TMEM200C: variants seen among roughly 807,000 people sequenced by gnomAD.
TMEM200C encodes transmembrane protein 200C.
For synonymous variants in TMEM200C, 462 were observed against 324.7 expected (o/e 1.42, Z -4.55); for missense variants, 966 against 699.9 (o/e 1.38, Z -4.29).
chr18:5,892,838 T>G (rs544947409), intron 2 of TMEM200C, among the ~76,000 whole-genome samples: 1 of 152,318 alleles, frequency 6.6e-6, no homozygotes, highest in South Asian at 2.1e-4. Context: ...AATAAATCCC[T>G]TCACAAAGTT....
exon 3 of TMEM200C, chr18:5,885,947 G>A (rs774269748): frequency 5.9e-5 from 9 of 151,962 alleles, no homozygotes; most frequent in East Asian, 1.9e-4. Context: ...AACAAACTCC[G>A]TAAACATCAA....
At chr18:5,887,386 C>G (rs893257980) in exon 3 of TMEM200C, 3 of 152,190 alleles carry the variant, frequency 2.0e-5, no homozygotes, top group Admixed American at 6.5e-5. Context: ...AGCTTTTTAT[C>G]TGACTGTGCA....
exon 3 of TMEM200C, chr18:5,884,264 A>G (rs977042158): frequency 1.3e-5 from 2 of 152,108 alleles, no homozygotes; most frequent in Non-Finnish European, 2.9e-5. Context: ...TACCTTATGA[A>G]CATCTGGCTT....
At chr18:5,888,860 T>G (rs2095167407) in exon 3 of TMEM200C, 2 of 152,216 alleles carry the variant, frequency 1.3e-5, no homozygotes, top group African/African-American at 4.8e-5. Flanking sequence ...GACTCAGAGT[T>G]TGTGACTTGT....
upstream of TMEM200C, chr18:5,896,094 GT>G (rs1458611983): frequency 6.6e-6 from 1 of 152,238 alleles, no homozygotes; most frequent in Non-Finnish European, 1.5e-5. Flanking sequence ...ACAGTAAGTT[GT>G]CCCCCAGCGA....
chr18:5,891,322 TG>T lies in TMEM200C; in HGVS notation c.741del (p.Asn248ThrfsTer14). 1 of 1,400,780 alleles carries T rather than the reference TG, an allele frequency of 7.1e-7. No homozygotes were observed. Among genetic ancestry groups the T allele is most frequent in the Non-Finnish European group, 9.3e-7 (1 of 1,071,746 alleles). The allele number at this position is 1,400,780 out of a possible 1,614,324, so 86.8% of individuals were successfully genotyped here. ...GACTGCACGTAGCTGAGGAAGCCGT[TG>T]AGCGGTATGGCCCCGGGGGGCGCCG... On this transcript the variant is annotated frameshift_variant, in exon 3 of 3. Transcript: ENST00000581347. LOFTEE classifies it low-confidence loss of function (END_TRUNC). The surrounding 1 kb of genome is among the most constrained non-coding windows in gnomAD (Gnocchi z 4.7).
At chr18:5,888,820 G>C (rs2095167389) in exon 3 of TMEM200C, 1 of 152,080 alleles carries the variant, frequency 6.6e-6, no homozygotes, top group Non-Finnish European at 1.5e-5. Context: ...GATATGTCTG[G>C]TTCTCTTCAT....
At chr18:5,884,803 C>T (rs2095164177) in exon 3 of TMEM200C, 1 of 151,962 alleles carries the variant, frequency 6.6e-6, no homozygotes. Context: ...TTATATCAGT[C>T]ATTAATAACT....
Position 5,891,233 on chromosome 18 carries a change from C to A in TMEM200C, c.831G>T (p.Ala277=). The A allele has an allele frequency of 7.6e-7, 1 of 1,322,794 alleles. No homozygotes were observed. The highest frequency in any genetic ancestry group is 1.8e-5 in the South Asian group (1 of 56,746). The allele number at this position is 1,322,794 out of a possible 1,614,324, so 81.9% of individuals were successfully genotyped here. A position where few individuals can be genotyped will look rare whatever the true frequency, so the allele number is the denominator to read the frequency against. The change falls in exon 3 of 3, where the codon GCG becomes GCT. Residue 277 remains alanine, a synonymous_variant. Transcript: ENST00000581347. This position sits in a 1 kb window ranked among gnomAD's most constrained non-coding sequence, Gnocchi z 4.7. ...GAGGCCACGAGCCCTTGGCCAGCAT[C>A]GCCGCCGCTCCGAAGGCGTCCCCGG...
chr18:5,888,323 C>T (rs1318637850), exon 3 of TMEM200C: 2 of 152,162 alleles, frequency 1.3e-5, no homozygotes, highest in East Asian at 3.8e-4. Context: ...TAATCTACAG[C>T]CTTAAAGTGA....
chr18:5,894,521 C>A (rs546647113), intron 2 of TMEM200C, among the ~76,000 whole-genome samples: 2 of 152,266 alleles, frequency 1.3e-5, no homozygotes, highest in African/African-American at 4.8e-5. Flanking sequence ...CTGGTCTTAC[C>A]GTGGTTAAAG....
chr18:5,890,017 T>A (rs902099001), exon 3 of TMEM200C: 26 of 455,606 alleles, frequency 5.7e-5, no homozygotes, highest in African/African-American at 4.4e-4. Context: ...AAAAAAAAAA[T>A]CCTTGGAGTT....
In TMEM200C at chr18:5,891,386, C is replaced by CGCG; in HGVS notation, c.675_677dup (p.Ala230dup). On this transcript the variant is annotated inframe_insertion, in exon 3 of 3. Coordinates refer to ENST00000581347, the Ensembl canonical transcript of TMEM200C. This position sits in a 1 kb window ranked among gnomAD's most constrained non-coding sequence, Gnocchi z 4.7. ...ACGACGACGAAGAGGCGGCGGCGGCCGCGGCGGCGGCCGCGGCGGCCGCCA... is the reference window on the plus strand; with the variant it reads ...ACGACGACGAAGAGGCGGCGGCGGCCGCGGCGGCGGCGGCCGCGGCGGCCGCCA... 3.0e-6 allele frequency: 4 copies of CGCG among 1,323,456 alleles called. No homozygotes were observed. The highest frequency in any genetic ancestry group is 3.8e-6 in the Non-Finnish European group (4 of 1,041,624). The allele number at this position is 1,323,456 out of a possible 1,614,324, so 82.0% of individuals were successfully genotyped here.
exon 3 of TMEM200C, chr18:5,890,761 C>T: frequency 1.7e-6 from 1 of 604,732 alleles, no homozygotes; most frequent in Non-Finnish European, 3.0e-6. Flanking sequence ...TCCCGGCGCG[C>T]CCCGCGCATG....
At chr18:5,890,139 T>C (rs2095168517) in exon 3 of TMEM200C, 3 of 1,464,424 alleles carry the variant, frequency 2.0e-6, no homozygotes, top group Non-Finnish European at 1.8e-6. Flanking sequence ...GTTAATGCAC[T>C]GATTCAAGTG....
chr18:5,889,744 T>C (rs2095168145), exon 3 of TMEM200C: 2 of 152,444 alleles, frequency 1.3e-5, no homozygotes, highest in African/African-American at 4.8e-5. Flanking sequence ...CAAACTCTTC[T>C]ATGTTCCGCA....
exon 3 of TMEM200C, chr18:5,886,121 G>A (rs924235244): frequency 2.6e-5 from 4 of 151,664 alleles, no homozygotes. Flanking sequence ...GTGTCAGAGG[G>A]TTTTTCTTAA....
At chr18:5,884,883 A>G (rs1000074413) in exon 3 of TMEM200C, 3 of 152,158 alleles carry the variant, frequency 2.0e-5, no homozygotes, top group African/African-American at 4.8e-5. Flanking sequence ...CTTAAAATAA[A>G]TTGTTCATAA....
chr18:5,891,971 G>A lies in TMEM200C; in HGVS notation c.93C>T (p.Ala31=). Residue 31 remains alanine (A), a synonymous_variant, in exon 3 of 3, where the codon GCC becomes GCT. Coordinates refer to ENST00000581347, the Ensembl canonical transcript of TMEM200C. This position sits in a 1 kb window ranked among gnomAD's most constrained non-coding sequence, Gnocchi z 4.7. ...CCACGTCGTTCTTGCGCCTCTTCTT[G>A]GCTTTCCGCTTGCGCTTGGGTATCT... is the stretch of plus-strand genomic sequence containing the variant. 1.2e-6 allele frequency: 2 copies of A among 1,613,966 alleles called. No homozygotes were observed. Among genetic ancestry groups the A allele is most frequent in the Non-Finnish European group, 8.5e-7 (1 of 1,179,898 alleles).
Sources: allele counts gnomAD v4.1 joint callset (sites outside exome capture counted in the v4.1 genomes callset), GRCh38; gene constraint gnomAD v4.1.1; non-coding constraint Gnocchi (gnomAD v3.1); transcripts MANE v1.5; gene names NCBI Gene and HGNC (gene_info 2026-07-23, HGNC 2026-07-21).